Variants in DCC observed in about 807,000 individuals in gnomAD.
DCC encodes netrin receptor DCC.
DCC carries 58 observed loss-of-function variants against 172.5 expected under a neutral mutation model. The observed-to-expected ratio is 0.34, with a 90% CI of 0.27 to 0.42. The LOEUF (loss-of-function observed/expected upper bound fraction) is 0.42. DCC is among the 10% of genes least tolerant of loss of function. The probability of loss-of-function intolerance (pLI) is 1.00; values close to 1 mark genes in which losing one functional copy is unlikely to be tolerated. For synonymous variants in DCC, 709 were observed against 644.5 expected (o/e 1.10, Z -1.52); for missense variants, 1,740 against 1,791.0 (o/e 0.97, Z 0.51).
chr18:52,447,883 C>T (rs1328279710), intron 1 of DCC, among the ~76,000 whole-genome samples: 1 of 152,154 alleles, frequency 6.6e-6, no homozygotes, highest in Admixed American at 6.5e-5. Context: ...AAGAAATCCA[C>T]CCCCAAGATC....
Position 53,058,390 on chromosome 18 carries a change from T to C in DCC, c.986-4915T>C, listed in dbSNP as rs905577557. On this transcript the variant is annotated intron_variant, in intron 5 of 28. Coordinates refer to ENST00000442544, the MANE Select transcript of DCC (RefSeq NM_005215.4). Reference sequence around the variant, plus strand: ...ACATTGAAAGCTCATTGACAACATTTTGAGAACAGAAGTGGTATAATGAAA... The same window carrying C: ...ACATTGAAAGCTCATTGACAACATTCTGAGAACAGAAGTGGTATAATGAAA... 3.3e-5 allele frequency among the ~76,000 whole-genome samples: 5 copies of C among 152,254 alleles called. No homozygotes were observed. The East Asian group carries it at 9.7e-4, about 29-fold the overall frequency.
chr18:52,584,543 C>A (rs1442351), intron 1 of DCC, among the ~76,000 whole-genome samples: 4,979 of 152,174 alleles, frequency 0.033, 289 homozygotes, highest in African/African-American at 0.11. Context: ...TTTAGACTAA[C>A]GCACAGATAT....
intron 9 of DCC, among the ~76,000 whole-genome samples, chr18:53,200,489 T>C (rs1035878750): frequency 6.6e-6 from 1 of 152,166 alleles, no homozygotes; most frequent in African/African-American, 2.4e-5. Flanking sequence ...CATATCCTTG[T>C]GGAAAAGACA....
At chr18:52,378,151 G>A (rs140955373) in intron 1 of DCC, among the ~76,000 whole-genome samples, 7 of 152,086 alleles carry the variant, frequency 4.6e-5, no homozygotes, top group African/African-American at 1.7e-4. Context: ...GACTCCAGGT[G>A]AATTTAGGAG....
intron 1 of DCC, among the ~76,000 whole-genome samples, chr18:52,382,722 A>G (rs1036181503): frequency 6.6e-6 from 1 of 152,090 alleles, no homozygotes; most frequent in East Asian, 1.9e-4. Flanking sequence ...GTCTGTGGGT[A>G]GATTGATGGT....
At chr18:52,957,552 T>A (rs1459002704) in intron 5 of DCC, among the ~76,000 whole-genome samples, 6 of 152,170 alleles carry the variant, frequency 3.9e-5, no homozygotes, top group African/African-American at 1.4e-4. Context: ...ATCTCCTGCA[T>A]TTTATAGACA....
At chr18:52,846,971 G>A (rs771080633) in intron 2 of DCC, among the ~76,000 whole-genome samples, 2 of 152,048 alleles carry the variant, frequency 1.3e-5, no homozygotes, top group African/African-American at 2.4e-5. Flanking sequence ...AAGTCAGCCT[G>A]CCTGACTTCA....
In DCC at chr18:53,301,264, T is replaced by C. The variant is rs528641775; in HGVS notation, c.1912-4314T>C. On this transcript the variant is annotated intron_variant, in intron 12 of 28. Transcript: ENST00000442544. ...GCTACCACGCCTGGCTAATTTTGTA[T>C]TTTTAGTAGAGATGGGGTTTCTCCA... 1.3e-4 allele frequency among the ~76,000 whole-genome samples: 20 copies of C among 151,916 alleles called. No homozygotes were observed. The South Asian group carries it at 3.3e-3, about 25-fold the overall frequency.
chr18:52,887,342 C>T (rs116662116), intron 2 of DCC, among the ~76,000 whole-genome samples: 2,619 of 151,830 alleles, frequency 0.017, 56 homozygotes, highest in African/African-American at 0.046. Flanking sequence ...CATGTATTTG[C>T]AGAAATGGAG....
intron 9 of DCC, among the ~76,000 whole-genome samples, chr18:53,190,170 C>G (rs2055345041): frequency 6.6e-6 from 1 of 152,152 alleles, no homozygotes; most frequent in Admixed American, 6.5e-5. Context: ...AGGTGATCCA[C>G]CCACCTCAGC....
At chr18:52,409,231 T>C (rs1228213385) in intron 1 of DCC, 3 of 152,092 alleles carry the variant, frequency 2.0e-5, no homozygotes, top group Admixed American at 2.0e-4. Flanking sequence ...AGCAAACATA[T>C]TGGCAAGTAA....
chr18:52,493,089 C>T (rs1166568170), intron 1 of DCC, among the ~76,000 whole-genome samples: 3 of 152,008 alleles, frequency 2.0e-5, no homozygotes, highest in Non-Finnish European at 4.4e-5. Context: ...TAAACCAAAC[C>T]ATAGGGAATG....
intron 5 of DCC, among the ~76,000 whole-genome samples, chr18:52,968,141 A>G (rs1278629182): frequency 6.6e-6 from 1 of 152,166 alleles, no homozygotes; most frequent in African/African-American, 2.4e-5. Flanking sequence ...TAATAACGCA[A>G]AGTTCCATCC....
At chr18:52,366,720 G>A (rs540524538) in intron 1 of DCC, among the ~76,000 whole-genome samples, 2 of 151,702 alleles carry the variant, frequency 1.3e-5, no homozygotes, top group Non-Finnish European at 2.9e-5. Context: ...ACAGAGTGTC[G>A]ATTGGTGCAC....
Position 52,535,013 on chromosome 18 carries a change from C to A in DCC, c.91+194135C>A, listed in dbSNP as rs116300696. The stretch of plus-strand genomic sequence containing the variant: ...GCCCCTTTACCACTTTCCCCCATCT[C>A]CCCCTGTCAATGAGTAATTTATCTC... On this transcript the variant is annotated intron_variant, in intron 1 of 28. Coordinates refer to ENST00000442544, the MANE Select transcript of DCC (RefSeq NM_005215.4). 3.7e-3 allele frequency among the ~76,000 whole-genome samples: 557 copies of A among 152,270 alleles called. 6 individuals carry two copies. The highest frequency in any genetic ancestry group is 0.013 in the African/African-American group (531 of 41,568).
intron 1 of DCC, among the ~76,000 whole-genome samples, chr18:52,490,155 A>C (rs1260559295): frequency 6.6e-6 from 1 of 152,144 alleles, no homozygotes; most frequent in East Asian, 1.9e-4. Context: ...AGAGGCTAAA[A>C]GCAGCACAAG....
intron 17 of DCC, among the ~76,000 whole-genome samples, chr18:53,394,642 C>T (rs1908798544): frequency 6.6e-6 from 1 of 151,848 alleles, no homozygotes; most frequent in African/African-American, 2.4e-5. Flanking sequence ...TCAGTCTCAG[C>T]TCTCAAACTG....
chr18:53,046,352 A>G (rs2042237197), intron 5 of DCC, among the ~76,000 whole-genome samples: 1 of 151,842 alleles, frequency 6.6e-6, no homozygotes, highest in Non-Finnish European at 1.5e-5. Flanking sequence ...ATATTAAGTG[A>G]AAAAATAAAA....
At chr18:52,376,792 G>A (rs1407014705) in intron 1 of DCC, among the ~76,000 whole-genome samples, 3 of 152,134 alleles carry the variant, frequency 2.0e-5, no homozygotes, top group South Asian at 4.1e-4. Flanking sequence ...ATAGATAGAT[G>A]CTCAGTTAAT....
Sources: allele counts gnomAD v4.1 joint callset (sites outside exome capture counted in the v4.1 genomes callset), GRCh38; gene constraint gnomAD v4.1.1; transcripts MANE v1.5; gene names NCBI Gene and HGNC (gene_info 2026-07-23, HGNC 2026-07-21).